DNAH8: variants seen among roughly 807,000 people sequenced by gnomAD.
DNAH8 encodes axonemal beta dynein heavy chain 8.
In DNAH8, 382 loss-of-function variants were observed where a neutral mutation model predicts 562.1. The ratio of observed to expected loss-of-function variants is 0.68; its 90% CI spans 0.63 to 0.74. The LOEUF is 0.74. Ranked by LOEUF, DNAH8 falls within the 30% of genes least tolerant of loss-of-function variation. The probability of loss-of-function intolerance (pLI) is 0.00; values close to 1 mark genes in which losing one functional copy is unlikely to be tolerated. For missense variants in DNAH8, 5,203 were observed against 5,620.4 expected, an observed-to-expected ratio of 0.93 and a Z score of 2.37; for synonymous variants, 1,881 against 1,919.4, an observed-to-expected ratio of 0.98 and a Z score of 0.52.
At chr6:38,873,415 AT>A (rs369434009) in intron 52 of DNAH8, 39 bp downstream of exon 52, 182 of 1,527,832 alleles carry the variant, frequency 1.2e-4, no homozygotes, top group Middle Eastern at 5.6e-4. Flanking sequence ...TTCGATTTTG[AT>A]TTTTTTTTCA....
chr6:38,805,083 A>G (rs1771146992), intron 22 of DNAH8, among the ~76,000 whole-genome samples: 1 of 152,212 alleles, frequency 6.6e-6, no homozygotes, highest in Non-Finnish European at 1.5e-5. Context: ...TATGCACATC[A>G]CATCTTTCCT....
chr6:38,875,922 C>A lies in DNAH8; in HGVS notation c.7858+94C>A, dbSNP rs1583247660. On this transcript the variant is annotated intron_variant, in intron 53 of 92. Coordinates refer to ENST00000327475, the MANE Select transcript of DNAH8 (RefSeq NM_001206927.2). ...ACTCTTCTATGAGAGAATATTAAAA[C>A]AATTATGAAAACATAATTGTTAATA... The A allele has an allele frequency of 1.4e-5, 11 of 779,828 alleles. No homozygotes were observed. The East Asian group carries it at 2.9e-4, about 20-fold the overall frequency. The allele number at this position is 779,828 out of a possible 1,614,324, so 48.3% of individuals were successfully genotyped here.
chr6:38,857,544 G>A lies in DNAH8; in HGVS notation c.5760G>A (p.Leu1920=). ...AQVGLLGIQM[L]WTHDSEEALR... is the part of the protein sequence containing the mutation. Reference sequence around the variant, plus strand: ...TTGGACTTCTGGGAATTCAGATGTTGTGGACACACGATTCAGAAGAGGCTT... The same window carrying A: ...TTGGACTTCTGGGAATTCAGATGTTATGGACACACGATTCAGAAGAGGCTT... The change falls in exon 42 of 93, where the codon TTG becomes TTA. Residue 1920 remains leucine, a synonymous_variant. Coordinates refer to ENST00000327475, the MANE Select transcript of DNAH8 (RefSeq NM_001206927.2). The A allele has an allele frequency of 1.2e-6, 2 of 1,613,256 alleles. No individual in the cohort carries two copies. The highest frequency in any genetic ancestry group is 2.2e-5 in the East Asian group (1 of 44,808).
At chr6:39,000,532 C>A (rs185727448) in intron 88 of DNAH8, among the ~76,000 whole-genome samples, 4 of 152,116 alleles carry the variant, frequency 2.6e-5, no homozygotes, top group Non-Finnish European at 5.9e-5. Context: ...GGAGCGAGAA[C>A]CCTACCGTGA....
chr6:38,752,220 G>A (rs1765525211), intron 9 of DNAH8, among the ~76,000 whole-genome samples: 1 of 151,258 alleles, frequency 6.6e-6, no homozygotes, highest in Non-Finnish European at 1.5e-5. Context: ...CTGGAGTGCA[G>A]TGGTGCTATC....
In DNAH8 at chr6:38,778,376, AT is replaced by A. The variant is rs1333761156; in HGVS notation, c.1963-8del. The A allele has an allele frequency of 3.6e-6, 5 of 1,398,018 alleles. No homozygotes were observed. Among genetic ancestry groups the A allele is most frequent in the Admixed American group, 1.9e-5 (1 of 52,360 alleles). The allele number at this position is 1,398,018 out of a possible 1,614,324, so 86.6% of individuals were successfully genotyped here. A position where few individuals can be genotyped will look rare whatever the true frequency, so the allele number is the denominator to read the frequency against. On this transcript the variant is annotated splice_polypyrimidine_tract_variant and intron_variant, in intron 13 of 92. Transcript: ENST00000327475. ...CACCAAAAATCATTTAAATATTAATATTTTATTTTAGGTACAAATACAGGCA... is the reference window on the plus strand; with the variant it reads ...CACCAAAAATCATTTAAATATTAATATTTATTTTAGGTACAAATACAGGCA...
chr6:38,868,062 G>A lies in DNAH8; in HGVS notation c.6694G>A (p.Val2232Ile), dbSNP rs141684275. 5.1e-5 allele frequency: 82 copies of A among 1,605,688 alleles called. No homozygotes were observed. The African/African-American group carries it at 1.0e-3, about 20-fold the overall frequency. The change falls in exon 48 of 93, where the codon GTT (valine) becomes ATT (isoleucine). Residue 2232 changes from valine to isoleucine, a missense_variant and splice_region_variant. This residue lies in a region of DNAH8 where 2,176 missense variants were observed against 2,365.1 expected (regional missense o/e 0.92). Transcript: ENST00000327475. ...KLCEEQLTKQ[V>I]HYDFGLRNIL... The stretch of plus-strand genomic sequence containing the variant: ...TTTTTGCCCTCTTCTCCCATCTCAG[G>A]TTCATTATGACTTTGGATTGAGAAA...
chr6:38,916,033 A>G (rs1163806565), intron 68 of DNAH8, among the ~76,000 whole-genome samples: 2 of 152,182 alleles, frequency 1.3e-5, no homozygotes, highest in Non-Finnish European at 2.9e-5. Flanking sequence ...TATGGGGATT[A>G]TAATTTCTCA....
At position 38,913,849 on chromosome 6, in the gene DNAH8, G is replaced by GT. The variant is rs1781092882; in HGVS notation, c.9861dup (p.Leu3288SerfsTer2). On this transcript the variant is annotated frameshift_variant and splice_region_variant, in exon 67 of 93. Transcript: ENST00000327475. LOFTEE classifies it high-confidence loss of function. The stretch of plus-strand genomic sequence containing the variant: ...GGTATATATGTGTGTATTTGTAAAG[G>GT]TCTTGATAAACTAATGGAGGCAAGT... The GT allele has an allele frequency of 6.2e-7, 1 of 1,610,702 alleles. No individual in the cohort carries two copies. The highest frequency in any genetic ancestry group is 8.5e-7 in the Non-Finnish European group (1 of 1,177,330).
At chr6:38,856,775 C>T (rs1054323643) in intron 41 of DNAH8, among the ~76,000 whole-genome samples, 8 of 152,158 alleles carry the variant, frequency 5.3e-5, no homozygotes, top group Non-Finnish European at 8.8e-5. Context: ...CACATACTGC[C>T]TGCCCCGCTT....
intron 38 of DNAH8, among the ~76,000 whole-genome samples, chr6:38,851,222 C>G (rs947848880): frequency 3.3e-5 from 5 of 152,084 alleles, no homozygotes; most frequent in African/African-American, 1.2e-4. Context: ...AGTTGTCCTC[C>G]CTTTCACTCT....
At chr6:38,923,933 A>T in intron 72 of DNAH8, 58 bp from the exon 73 acceptor site, 1 of 1,586,784 alleles carries the variant, frequency 6.3e-7, no homozygotes, top group Non-Finnish European at 8.6e-7. Flanking sequence ...GTGACCTCTC[A>T]AACAACTTAA....
rs1561859934 is a variant in DNAH8, at chr6:38,917,865, A to G, written c.10309-60A>G. 1.2e-5 allele frequency: 16 copies of G among 1,303,642 alleles called. No individual in the cohort carries two copies. The Admixed American group carries it at 1.3e-4, about 10-fold the overall frequency. 80.8% of individuals were successfully genotyped at this position (1,303,642 alleles called of 1,614,324 possible). A position where few individuals can be genotyped will look rare whatever the true frequency, so the allele number is the denominator to read the frequency against. On this transcript the variant is annotated intron_variant, in intron 69 of 92. Coordinates refer to ENST00000327475, the MANE Select transcript of DNAH8 (RefSeq NM_001206927.2). ...GAGAAAATTCAATTTAGAAGTACAT[A>G]TTAACTCAGGAAGAAAGTATTTTCT...
At chr6:38,805,460 T>G in intron 22 of DNAH8, 21 bp from the exon 23 acceptor site, 1 of 1,441,540 alleles carries the variant, frequency 6.9e-7, no homozygotes, top group Non-Finnish European at 9.8e-7. Context: ...GTTATATTTT[T>G]GTTTTGTCTT....
chr6:38,896,784 T>C (rs2150499783), intron 60 of DNAH8, among the ~76,000 whole-genome samples: 1 of 152,124 alleles, frequency 6.6e-6, no homozygotes, highest in Non-Finnish European at 1.5e-5. Flanking sequence ...TATTTATTTG[T>C]TTATTTATTT....
chr6:38,867,710 G>A (rs1777152304), intron 47 of DNAH8, among the ~76,000 whole-genome samples: 3 of 134,466 alleles, frequency 2.2e-5, no homozygotes, highest in South Asian at 4.7e-4. Context: ...CCGAGGTCCC[G>A]CCACTGCACT....
In DNAH8 at chr6:38,793,631, A is replaced by G. The variant is rs76824651; in HGVS notation, c.2901+1957A>G. 7.8e-3 allele frequency among the ~76,000 whole-genome samples: 1,189 copies of G among 152,182 alleles called. 51 individuals carry two copies. In the East Asian group the frequency reaches 0.11, roughly 14 times the overall value. ...CTGGTAATTTTGACCTATTTACATT[A>G]ATTGTAACTATTAATTAATATTTTT... On this transcript the variant is annotated intron_variant, in intron 21 of 92. Transcript: ENST00000327475.
intron 21 of DNAH8, among the ~76,000 whole-genome samples, chr6:38,796,077 G>A (rs546974141): frequency 3.9e-5 from 6 of 152,308 alleles, no homozygotes; most frequent in South Asian, 4.1e-4. Flanking sequence ...ACCAATGGGT[G>A]TGCTAGAAGG....
intron 79 of DNAH8, among the ~76,000 whole-genome samples, chr6:38,941,670 T>G (rs1400116018): frequency 1.3e-5 from 2 of 152,182 alleles, no homozygotes; most frequent in Non-Finnish European, 2.9e-5. Flanking sequence ...TTACCCAATC[T>G]GGAAACCTAT....
Sources: gnomAD v4.1 joint callset for allele counts (sites outside exome capture counted in the v4.1 genomes callset) on GRCh38, gnomAD v4.1.1 for gene constraint, gnomAD v4.1.1 regional missense constraint, MANE v1.5 for transcripts, NCBI Gene and HGNC (gene_info 2026-07-23, HGNC 2026-07-21) for gene names.